The following DAPK2 variants were observed in gnomAD, a reference collection of about 807,000 sequenced individuals.
The protein encoded by DAPK2 is death-associated protein kinase 2.
A neutral mutation model predicts 44.1 loss-of-function variants in DAPK2; 35 were observed. The ratio of observed to expected loss-of-function variants is 0.79; its 90% confidence interval spans 0.61 to 1.05. The LOEUF is 1.05. DAPK2 is among the 50% of genes least tolerant of loss of function. The probability of loss-of-function intolerance (pLI) is 0.00; values close to 1 mark genes in which losing one functional copy is unlikely to be tolerated. For synonymous variants in DAPK2, 174 were observed against 182.6 expected, an observed-to-expected ratio of 0.95 and a Z score of 0.38; for missense variants, 453 against 483.2, an observed-to-expected ratio of 0.94 and a Z score of 0.59.
At chr15:64,033,914 CAAA>C (rs1301906196) in intron 1 of DAPK2, among the ~76,000 whole-genome samples, 4 of 103,674 alleles carry the variant, frequency 3.9e-5, no homozygotes, top group Non-Finnish European at 6.1e-5. Context: ...GACTCTGTCT[CAAA>C]AAAAAAAAAA....
In DAPK2 at chr15:63,980,283, C is replaced by T. The variant is rs2078466757; in HGVS notation, c.314+3250G>A. ...ACATCTCAAGAGCATTTACCTGCCACATCCCCGCCACCGACTCCTAGGGTT... is the reference window on the plus strand; with the variant it reads ...ACATCTCAAGAGCATTTACCTGCCATATCCCCGCCACCGACTCCTAGGGTT... On this transcript the variant is annotated intron_variant, in intron 2 of 10. Transcript: ENST00000261891. This position sits in a 1 kb window ranked among gnomAD's most constrained non-coding sequence, Gnocchi z 4.3. Among the ~76,000 whole-genome samples the T allele has an allele frequency of 6.6e-6, 1 of 152,216 alleles. No homozygotes were observed. Among genetic ancestry groups the T allele is most frequent in the African/African-American group, 2.4e-5 (1 of 41,436 alleles).
chr15:63,942,565 C>CA lies in DAPK2; in HGVS notation c.454-3205dup, dbSNP rs200684287. Among the ~76,000 whole-genome samples, 148 of 150,938 alleles carry CA rather than the reference C, an allele frequency of 9.8e-4. 1 individual carries two copies. In the Middle Eastern group the frequency reaches 0.014, roughly 14 times the overall value. On this transcript the variant is annotated intron_variant, in intron 3 of 10. Transcript: ENST00000261891. ...AGACTCCATCTCAAAAAAACAACAA[C>CA]AAAAAAAACAAAAATAAAAAAACAA... is the stretch of plus-strand genomic sequence containing the variant.
At chr15:64,007,043 C>A (rs187743526) in intron 1 of DAPK2, among the ~76,000 whole-genome samples, 1 of 152,142 alleles carries the variant, frequency 6.6e-6, no homozygotes, top group East Asian at 1.9e-4. Context: ...CTTTACTGTG[C>A]TTTTTCACTT....
chr15:63,923,356 C>A lies in DAPK2; in HGVS notation c.858+1460G>T. On this transcript the variant is annotated intron_variant, in intron 8 of 10. Transcript: ENST00000261891. The surrounding 1 kb of genome is among the most constrained non-coding windows in gnomAD (Gnocchi z 4.2). ...CTTCTCCTTTTGACTGGTGGGTGTT[C>A]AGACAGAAGAATCAGAGTGTTAATT... 6.5e-7 allele frequency: 1 copy of A among 1,530,916 alleles called. No homozygotes were observed. The highest frequency in any genetic ancestry group is 1.2e-5 in the South Asian group (1 of 83,832). The allele number at this position is 1,530,916 out of a possible 1,614,324, so 94.8% of individuals were successfully genotyped here.
In DAPK2 at chr15:63,990,629, T is replaced by C. The variant is rs1346035317; in HGVS notation, c.93-6875A>G. Among the ~76,000 whole-genome samples, 1 of 151,990 alleles carries C rather than the reference T, an allele frequency of 6.6e-6. No homozygotes were observed. The highest frequency in any genetic ancestry group is 1.9e-4 in the East Asian group (1 of 5,184). On this transcript the variant is annotated intron_variant, in intron 1 of 10. Transcript: ENST00000261891. This position sits in a 1 kb window ranked among gnomAD's most constrained non-coding sequence, Gnocchi z 4.3. The stretch of plus-strand genomic sequence containing the variant: ...GAGGTGAGAGGTACCAAATGGGAAG[T>C]GTTCCAAAGCAGAGGGTCGCGGAGA...
At chr15:63,944,223 C>A (rs541737544) in intron 3 of DAPK2, among the ~76,000 whole-genome samples, 26 of 152,250 alleles carry the variant, frequency 1.7e-4, no homozygotes, top group South Asian at 6.2e-4. Flanking sequence ...TCTGTTGGGT[C>A]GTCAGGACCC....
rs1750347185 is a variant in DAPK2 at position 63,990,400 on chromosome 15, C to A, written c.93-6646G>T. Among the ~76,000 whole-genome samples the A allele has an allele frequency of 6.7e-6, 1 of 149,904 alleles. No homozygotes were observed. Among genetic ancestry groups the A allele is most frequent in the Non-Finnish European group, 1.5e-5 (1 of 67,680 alleles). ...CTGAGATCGCACCGCTGCACTCCAGCCTGGGTGACAGAGCAAGACTCCATC... is the reference window on the plus strand; with the variant it reads ...CTGAGATCGCACCGCTGCACTCCAGACTGGGTGACAGAGCAAGACTCCATC... On this transcript the variant is annotated intron_variant, in intron 1 of 10. Coordinates refer to ENST00000261891, the Ensembl canonical transcript of DAPK2. The surrounding 1 kb of genome is among the most constrained non-coding windows in gnomAD (Gnocchi z 4.3).
rs1158179065 is a variant in DAPK2, at chr15:64,033,329, A to AGGAAGGAAGGAAGGAAGGAAGGAAGG, written c.92+6840_92+6841insCCTTCCTTCCTTCCTTCCTTCCTTCC. 4.4e-4 allele frequency among the ~76,000 whole-genome samples: 44 copies of AGGAAGGAAGGAAGGAAGGAAGGAAGG among 99,114 alleles called. 2 individuals carry two copies. The highest frequency in any genetic ancestry group is 1.9e-3 in the African/African-American group (43 of 23,088). The allele number at this position is 99,114 out of a possible 152,430, so 65.0% of individuals were successfully genotyped here. ...GGAAGGAAGGAAGGAAGGAAGGAAA[A>AGGAAGGAAGGAAGGAAGGAAGGAAGG]AAAAAATAGCTGCTGGGTTAACTCC... On this transcript the variant is annotated intron_variant, in intron 1 of 10. Transcript: ENST00000261891.
intron 3 of DAPK2, among the ~76,000 whole-genome samples, chr15:63,958,199 G>C (rs1007894805): frequency 1.3e-5 from 2 of 151,936 alleles, no homozygotes; most frequent in African/African-American, 4.8e-5. Flanking sequence ...TTTTGATGGA[G>C]TTGTTTTTTT....
intron 1 of DAPK2, among the ~76,000 whole-genome samples, chr15:64,030,245 G>A (rs566093917): frequency 5.8e-4 from 88 of 152,244 alleles, no homozygotes; most frequent in African/African-American, 1.8e-3. Context: ...TCGAGATGAC[G>A]CCACTGCACT....
intron 4 of DAPK2, among the ~76,000 whole-genome samples, chr15:63,936,164 T>C (rs2077140699): frequency 6.6e-6 from 1 of 152,216 alleles, no homozygotes; most frequent in African/African-American, 2.4e-5. Flanking sequence ...ATTTTGCTAG[T>C]CTCTAACTGA....
intron 1 of DAPK2, among the ~76,000 whole-genome samples, chr15:64,015,136 G>A (rs2079490592): frequency 6.6e-6 from 1 of 152,198 alleles, no homozygotes; most frequent in Admixed American, 6.5e-5. Context: ...AGGGTACCGT[G>A]TGGTCAGGAG....
Position 63,923,125 on chromosome 15 carries a change from A to C in DAPK2, c.858+1691T>G. 2 of 1,535,780 alleles carry C rather than the reference A, an allele frequency of 1.3e-6. No individual in the cohort carries two copies. The highest frequency in any genetic ancestry group is 1.7e-6 in the Non-Finnish European group (2 of 1,146,718). ...TGAAGATGGAGACCAGGGCCTCCAC[A>C]TCGTCCTGGATGGTATCGTGGGCCT... is the stretch of plus-strand genomic sequence containing the variant. On this transcript the variant is annotated intron_variant, in intron 8 of 10. Transcript: ENST00000261891. This position sits in a 1 kb window ranked among gnomAD's most constrained non-coding sequence, Gnocchi z 4.2.
chr15:64,003,888 G>A (rs1459161554), intron 1 of DAPK2, among the ~76,000 whole-genome samples: 1 of 152,154 alleles, frequency 6.6e-6, no homozygotes, highest in Non-Finnish European at 1.5e-5. Flanking sequence ...TACAGGCATG[G>A]GCCATGGCAC....
chr15:64,036,269 ATATATGTG>A (rs1345723486), intron 1 of DAPK2, among the ~76,000 whole-genome samples: 3 of 74,842 alleles, frequency 4.0e-5, no homozygotes, highest in African/African-American at 1.5e-4. Flanking sequence ...CAAAATATAT[ATATATGTG>A]TGTGTGTGTG....
At chr15:63,925,678 G>GCGCGCACACACACACACA (rs1352051474) in intron 7 of DAPK2, among the ~76,000 whole-genome samples, 2 of 138,446 alleles carry the variant, frequency 1.4e-5, no homozygotes, top group African/African-American at 5.6e-5. Flanking sequence ...GACTTGTAGC[G>GCGCGCACACACACACACA]CACACACACA....
chr15:63,911,736 A>C, intron 10 of DAPK2, 172 bp downstream of exon 11: 1 of 678,666 alleles, frequency 1.5e-6, no homozygotes, highest in Non-Finnish European at 2.6e-6. Flanking sequence ...CCCAGAACAC[A>C]CTCCTCTGAA....
At chr15:64,044,479 A>C (rs2080415275), upstream of DAPK2, among the ~76,000 whole-genome samples, 1 of 152,178 alleles carries the variant, frequency 6.6e-6, no homozygotes, top group Admixed American at 6.5e-5. Flanking sequence ...TTTGAAAACC[A>C]CTGCTGTCTG....
intron 1 of DAPK2, among the ~76,000 whole-genome samples, chr15:64,038,390 G>C (rs1043255868): frequency 2.7e-4 from 41 of 152,214 alleles, no homozygotes; most frequent in African/African-American, 9.7e-4. Flanking sequence ...GCATCTTTCT[G>C]CTGGTGCCAC....
Sources: allele counts gnomAD v4.1 joint callset (sites outside exome capture counted in the v4.1 genomes callset), GRCh38; gene constraint gnomAD v4.1.1; non-coding constraint Gnocchi (gnomAD v3.1); transcripts MANE v1.5; gene names NCBI Gene and HGNC (gene_info 2026-07-23, HGNC 2026-07-21).